The following OSBPL7 variants were observed in gnomAD, a reference collection of about 807,000 sequenced individuals.
OSBPL7 encodes the protein oxysterol-binding protein-related protein 7.
Under a neutral mutation model 115.8 loss-of-function variants are expected in OSBPL7, and 66 were observed. The ratio of observed to expected loss-of-function variants is 0.57; its 90% CI spans 0.47 to 0.70. The LOEUF is 0.70. Ranked by LOEUF, OSBPL7 falls within the 30% of genes least tolerant of loss-of-function variation. OSBPL7 has a pLI of 0.00. For missense variants in OSBPL7, 902 were observed against 1,125.5 expected, an observed-to-expected ratio of 0.80 and a Z score of 2.84; for synonymous variants, 441 against 439.2, an observed-to-expected ratio of 1.00 and a Z score of -0.05.
chr17:47,815,162 G>C, intron 13 of OSBPL7, 53 bp downstream of exon 13: 1 of 1,579,912 alleles, frequency 6.3e-7, no homozygotes, highest in South Asian at 1.1e-5. Context: ...CCACCCTTCT[G>C]TTCCCAAGGT....
intron 3 of OSBPL7, 50 bp downstream of exon 3, chr17:47,819,921 T>TA: frequency 4.8e-5 from 65 of 1,343,732 alleles, no homozygotes; most frequent in Non-Finnish European, 5.9e-5. Context: ...TGCCCCCCAT[T>TA]CCCACCCCGC....
chr17:47,811,454 C>A (rs1210774708), intron 16 of OSBPL7, among the ~76,000 whole-genome samples: 1 of 152,154 alleles, frequency 6.6e-6, no homozygotes, highest in African/African-American at 2.4e-5. Context: ...TCAGCTAATA[C>A]CTTCAGCCAC....
chr17:47,809,369 C>T lies in OSBPL7; in HGVS notation c.1990G>A (p.Asp664Asn). 6.2e-7 allele frequency: 1 copy of T among 1,614,182 alleles called. No individual in the cohort carries two copies. Among genetic ancestry groups the T allele is most frequent in the Non-Finnish European group, 8.5e-7 (1 of 1,180,026 alleles). Residue 664 changes from aspartate to asparagine, a missense_variant, in exon 19 of 23, where the codon GAC becomes AAC. Physicochemically the swap from Asp to Asn is conservative, Grantham distance 23. Transcript: ENST00000007414. ...YGEVLIRNTQ[D>N]SSCHCKITFC... ...GTGATCTTGCAGTGGCAGGAGCTGTCCTGTGTGTTTCGGATGAGCACCTCC... is the reference window on the plus strand; with the variant it reads ...GTGATCTTGCAGTGGCAGGAGCTGTTCTGTGTGTTTCGGATGAGCACCTCC...
Position 47,816,955 on chromosome 17 carries a change from G to A in OSBPL7, c.703-83C>T. On this transcript the variant is annotated intron_variant, in intron 8 of 22. Coordinates refer to ENST00000007414, the MANE Select transcript of OSBPL7 (RefSeq NM_145798.3). The surrounding 1 kb of genome is among the most constrained non-coding windows in gnomAD (Gnocchi z 5.8). Reference sequence around the variant, plus strand: ...CATCACAGCCTGGGAGAGGTAGACGGCCTCCTGCGCCATGGAGGAGGGCGC... The same window carrying A: ...CATCACAGCCTGGGAGAGGTAGACGACCTCCTGCGCCATGGAGGAGGGCGC... 7.5e-7 allele frequency: 1 copy of A among 1,329,920 alleles called. No homozygotes were observed. Among genetic ancestry groups the A allele is most frequent in the Admixed American group, 1.7e-5 (1 of 58,706 alleles). The allele number at this position is 1,329,920 out of a possible 1,614,324, so 82.4% of individuals were successfully genotyped here. A position where few individuals can be genotyped will look rare whatever the true frequency, so the allele number is the denominator to read the frequency against.
Position 47,813,615 on chromosome 17 carries a change from C to G in OSBPL7, c.1571G>C (p.Ser524Thr). ...LEYSSLLDQASRIADPCERMV... is the reference protein window; with the variant it reads ...LEYSSLLDQATRIADPCERMV... ...GCGCTCGCAGGGGTCGGCGATGCGG[C>G]TGGCCTGGTCCAGGAGGCTGCTGTA... The change falls in exon 15 of 23, where the codon AGC (serine) becomes ACC (threonine). Residue 524 changes from serine to threonine, a missense_variant. By Grantham distance (58) the Ser-to-Thr change is moderately conservative. Transcript: ENST00000007414. The G allele has an allele frequency of 6.2e-7, 1 of 1,612,294 alleles. No homozygotes were observed. The highest frequency in any genetic ancestry group is 8.5e-7 in the Non-Finnish European group (1 of 1,179,518).
intron 1 of OSBPL7, chr17:47,820,851 C>T (rs1423448778): frequency 6.6e-6 from 1 of 152,386 alleles, no homozygotes; most frequent in Non-Finnish European, 1.5e-5. Flanking sequence ...GCAGAAAACT[C>T]CCCAGCCTCC....
rs532486208 is a variant in OSBPL7, at chr17:47,810,909, C to A, written c.1738-74G>T. 7.8e-6 allele frequency: 11 copies of A among 1,404,678 alleles called. No individual in the cohort carries two copies. The East Asian group carries it at 2.7e-4, about 34-fold the overall frequency. The allele number at this position is 1,404,678 out of a possible 1,614,324, so 87.0% of individuals were successfully genotyped here. ...GCTACCCCAAAGTCCCTTATTCCCA[C>A]CCCTAGTTCCCCTAAGTACCACAAG... On this transcript the variant is annotated intron_variant, in intron 16 of 22. Coordinates refer to ENST00000007414, the MANE Select transcript of OSBPL7 (RefSeq NM_145798.3).
intron 16 of OSBPL7, among the ~76,000 whole-genome samples, chr17:47,811,903 C>T (rs1345315836): frequency 6.6e-6 from 1 of 152,232 alleles, no homozygotes; most frequent in African/African-American, 2.4e-5. Flanking sequence ...ATGCGTAAAA[C>T]ATTTCTGGGA....
In OSBPL7 at chr17:47,816,666, G is replaced by A; in HGVS notation, c.825C>T (p.Asn275=). ...CCCGAGACTCCAGGTAGCGAGACAG[G>A]TTGGGAACAGAGCCATGGAGACGAC... The part of the protein sequence containing the change: ...RVGRLHGSVP[N]LSRYLESRDS... The change falls in exon 10 of 23, where the codon AAC becomes AAT. Residue 275 remains asparagine (N), a synonymous_variant. Coordinates refer to ENST00000007414, the MANE Select transcript of OSBPL7 (RefSeq NM_145798.3). The surrounding 1 kb of genome is among the most constrained non-coding windows in gnomAD (Gnocchi z 5.8). The A allele has an allele frequency of 6.2e-7, 1 of 1,614,134 alleles. No individual in the cohort carries two copies. Among genetic ancestry groups the A allele is most frequent in the Non-Finnish European group, 8.5e-7 (1 of 1,180,040 alleles).
chr17:47,809,911 CTTTT>C (rs1159738939), intron 18 of OSBPL7, among the ~76,000 whole-genome samples: 1 of 46,704 alleles, frequency 2.1e-5, no homozygotes. Flanking sequence ...CTTTTCTTTT[CTTTT>C]TTTTTTTTTT....
intron 12 of OSBPL7, chr17:47,815,680 A>AC (rs1196235376): frequency 3.1e-6 from 1 of 325,972 alleles, no homozygotes; most frequent in East Asian, 6.2e-5. Flanking sequence ...TGCAATTATC[A>AC]CCCCCACTTT....
chr17:47,813,521 T>A, intron 15 of OSBPL7, 66 bp downstream of exon 15: 1 of 1,586,802 alleles, frequency 6.3e-7, no homozygotes, highest in Non-Finnish European at 8.6e-7. Flanking sequence ...CAGGATTTTC[T>A]GGGAGAAAAG....
At chr17:47,813,552 G>A in intron 15 of OSBPL7, 35 bp downstream of exon 15, 1 of 1,597,384 alleles carries the variant, frequency 6.3e-7, no homozygotes, top group South Asian at 1.1e-5. Context: ...GAAGGAAGCA[G>A]CCTTGGGCTG....
At position 47,820,059 on chromosome 17, in the gene OSBPL7, AC is replaced by A; in HGVS notation, c.112del (p.Val38SerfsTer25). On this transcript the variant is annotated frameshift_variant, in exon 3 of 23. Transcript: ENST00000007414. LOFTEE classifies it high-confidence loss of function. ...ELWEVVEEPRVRLGTEGVMPE... is the reference protein window; with the variant it reads ...ELWEVVEEPRXRLGTEGVMPE... ...CATGACACCCTCTGTCCCCAGCCTG[AC>A]CCGAGGCTCCTCCACCACCTCCCAC... 1 of 1,612,040 alleles carries A rather than the reference AC, an allele frequency of 6.2e-7. No individual in the cohort carries two copies. The highest frequency in any genetic ancestry group is 8.5e-7 in the Non-Finnish European group (1 of 1,179,854).
chr17:47,818,636 G>A lies in OSBPL7; in HGVS notation c.370-20C>T, dbSNP rs1413073668. ...TTTGATCTGCAGAAGTGATGGAGAG[G>A]GGGAGGGCTATCTGAAGAGAGGGAC... On this transcript the variant is annotated intron_variant, in intron 5 of 22. Transcript: ENST00000007414. 1.9e-6 allele frequency: 3 copies of A among 1,599,454 alleles called. No individual in the cohort carries two copies. Among genetic ancestry groups the A allele is most frequent in the Non-Finnish European group, 2.6e-6 (3 of 1,169,942 alleles).
At position 47,813,842 on chromosome 17, in the gene OSBPL7, C is replaced by CATG. The variant is rs1460891983; in HGVS notation, c.1352-9_1352-8insCAT. ...TCCCTGGAACACACCCCCCTGGGGC[C>CATG]GCCCTGCCATGTCACTCTCCATCTG... is the stretch of plus-strand genomic sequence containing the variant. On this transcript the variant is annotated splice_polypyrimidine_tract_variant and intron_variant, in intron 14 of 22. Transcript: ENST00000007414. The CATG allele has an allele frequency of 3.7e-6, 6 of 1,601,394 alleles. No homozygotes were observed. The highest frequency in any genetic ancestry group is 5.1e-6 in the Non-Finnish European group (6 of 1,176,332).
chr17:47,810,620 C>T lies in OSBPL7; in HGVS notation c.1854G>A (p.Val618=). The T allele has an allele frequency of 1.2e-6, 2 of 1,614,172 alleles. No individual in the cohort carries two copies. The highest frequency in any genetic ancestry group is 1.7e-6 in the Non-Finnish European group (2 of 1,180,014). ...FWGKSLEIVP[V]GTVNVSLPRF... ...TGGGCAGGCTGACGTTGACTGTTCC[C>T]ACAGGCACAATCTCCAGGGATTTGC... Residue 618 remains valine, a synonymous_variant, in exon 18 of 23, where the codon GTG becomes GTA. Transcript: ENST00000007414.
rs966146144 is a variant in OSBPL7, at chr17:47,815,314, G to A, written c.1158C>T (p.Pro386=). 3.1e-6 allele frequency: 5 copies of A among 1,613,956 alleles called. No homozygotes were observed. The highest frequency in any genetic ancestry group is 4.2e-6 in the Non-Finnish European group (5 of 1,179,984). ...ACAGGATGCTGGTCTGCGATAGCTGGGGGGTGAGCTCGCGCCCCTTCATGT... is the reference window on the plus strand; with the variant it reads ...ACAGGATGCTGGTCTGCGATAGCTGAGGGGTGAGCTCGCGCCCCTTCATGT... The part of the protein sequence containing the change: ...ALYMKGRELT[P]QLSQTSILSL... The change falls in exon 13 of 23, where the codon CCC becomes CCT. Residue 386 remains proline, a synonymous_variant. Transcript: ENST00000007414.
Position 47,816,886 on chromosome 17 carries a change from G to T in OSBPL7, c.703-14C>A, listed in dbSNP as rs1227465551. 1 of 1,613,422 alleles carries T rather than the reference G, an allele frequency of 6.2e-7. No individual in the cohort carries two copies. Among genetic ancestry groups the T allele is most frequent in the Non-Finnish European group, 8.5e-7 (1 of 1,179,618 alleles). On this transcript the variant is annotated splice_polypyrimidine_tract_variant and intron_variant, in intron 8 of 22. Coordinates refer to ENST00000007414, the MANE Select transcript of OSBPL7 (RefSeq NM_145798.3). The surrounding 1 kb of genome is among the most constrained non-coding windows in gnomAD (Gnocchi z 5.8). ...TGTCACTGAGGCCTGGCAAGTCAAG[G>T]TGGGGGCAATTTTACTCACAGGGTG...
Sources: gnomAD v4.1 joint callset for allele counts (sites outside exome capture counted in the v4.1 genomes callset) on GRCh38, gnomAD v4.1.1 for gene constraint, Gnocchi (gnomAD v3.1) non-coding constraint, MANE v1.5 for transcripts, NCBI Gene and HGNC (gene_info 2026-07-23, HGNC 2026-07-21) for gene names.